Variants in GRM3 observed in about 807,000 individuals in gnomAD.
GRM3 encodes the protein glutamate metabotropic receptor 3, also known as metabotropic glutamate receptor 3.
In GRM3, 26 loss-of-function variants were observed where a neutral mutation model predicts 70.5. The ratio of observed to expected loss-of-function variants is 0.37; its 90% CI spans 0.27 to 0.51. GRM3 has a LOEUF of 0.51. GRM3 is among the 20% of genes least tolerant of loss of function. The pLI is 0.93. For missense variants in GRM3, 859 were observed against 1,123.8 expected (o/e 0.76, Z 3.37); for synonymous variants, 443 against 434.9 (o/e 1.02, Z -0.23).
At chr7:86,712,024 T>C (rs74439449) in intron 1 of GRM3, among the ~76,000 whole-genome samples, 1,793 of 152,204 alleles carry the variant, frequency 0.012, 28 homozygotes, top group African/African-American at 0.041. Flanking sequence ...TTTCTACTTT[T>C]GTATGCTCTT....
chr7:86,796,878 C>T (rs376207536), intron 3 of GRM3, among the ~76,000 whole-genome samples: 12 of 152,206 alleles, frequency 7.9e-5, no homozygotes, highest in South Asian at 4.2e-4. Flanking sequence ...GTCTTTTCCA[C>T]GCTGTTCTCA....
chr7:86,673,609 T>C (rs1794227928), intron 1 of GRM3, among the ~76,000 whole-genome samples: 1 of 152,192 alleles, frequency 6.6e-6, no homozygotes. Flanking sequence ...AAATGACATA[T>C]ATGTTTATTA....
chr7:86,692,391 C>T (rs951526728), intron 1 of GRM3, among the ~76,000 whole-genome samples: 1 of 152,172 alleles, frequency 6.6e-6, no homozygotes, highest in Non-Finnish European at 1.5e-5. Context: ...ATGATCCTAC[C>T]ACACTGATCT....
chr7:86,675,109 A>G (rs1794273711), intron 1 of GRM3, among the ~76,000 whole-genome samples: 1 of 152,122 alleles, frequency 6.6e-6, no homozygotes, highest in African/African-American at 2.4e-5. Context: ...ATAAATTAGT[A>G]TAGCACTAGT....
At chr7:86,819,029 C>T (rs1798068420) in intron 3 of GRM3, among the ~76,000 whole-genome samples, 1 of 152,114 alleles carries the variant, frequency 6.6e-6, no homozygotes, top group Non-Finnish European at 1.5e-5. Context: ...CCATCTCAGA[C>T]ATCTTTATTG....
At chr7:86,840,555 T>C (rs1211703295) in intron 4 of GRM3, among the ~76,000 whole-genome samples, 1 of 152,062 alleles carries the variant, frequency 6.6e-6, no homozygotes, top group East Asian at 1.9e-4. Flanking sequence ...AATATACAGT[T>C]CAAATTTATG....
intron 1 of GRM3, among the ~76,000 whole-genome samples, chr7:86,757,526 G>A (rs1165148329): frequency 1.3e-5 from 2 of 152,144 alleles, no homozygotes; most frequent in Non-Finnish European, 1.5e-5. Context: ...GGCTGGCTTG[G>A]AACTCTAATA....
intron 3 of GRM3, among the ~76,000 whole-genome samples, chr7:86,828,077 A>C (rs1003794580): frequency 7.0e-6 from 1 of 143,666 alleles, no homozygotes; most frequent in Non-Finnish European, 1.5e-5. Context: ...GTGCCACTGC[A>C]CTACAGCCTG....
intron 5 of GRM3, among the ~76,000 whole-genome samples, chr7:86,856,395 G>A (rs555689056): frequency 2.2e-4 from 33 of 148,330 alleles, no homozygotes; most frequent in African/African-American, 8.0e-4. Flanking sequence ...GCAGTGAGCC[G>A]AGATCATGCC....
Position 86,864,355 on chromosome 7 carries a change from A to G in GRM3, c.2640A>G (p.Ter880TrpextTer2). 6.2e-7 allele frequency: 1 copy of G among 1,607,426 alleles called. No homozygotes were observed. Among genetic ancestry groups the G allele is most frequent in the Non-Finnish European group, 8.5e-7 (1 of 1,174,018 alleles). ...EVLDSTTSSL* is the reference protein window; with the variant it reads ...EVLDSTTSSLW The stretch of plus-strand genomic sequence containing the variant: ...TCGACTCCACCACCTCATCTCTGTG[A>G]TTGTGAATTGCAGTTCAGTTCTTGT... Residue 880 changes from the stop codon to tryptophan, a stop_lost, in exon 6 of 6, where the codon TGA becomes TGG. Transcript: ENST00000361669.
At chr7:86,767,948 G>A (rs538045779) in intron 2 of GRM3, among the ~76,000 whole-genome samples, 13 of 152,182 alleles carry the variant, frequency 8.5e-5, no homozygotes, top group African/African-American at 2.9e-4. Flanking sequence ...CTCATTGAAA[G>A]ACCTATCTCA....
Position 86,765,337 on chromosome 7 carries a change from A to G in GRM3, c.192A>G (p.Arg64=). 2.5e-6 allele frequency: 4 copies of G among 1,613,926 alleles called. No homozygotes were observed. Among genetic ancestry groups the G allele is most frequent in the Non-Finnish European group, 3.4e-6 (4 of 1,179,872 alleles). Residue 64 remains arginine, a synonymous_variant, in exon 2 of 6, where the codon CGA becomes CGG. Transcript: ENST00000361669. ...TEECGRINED[R]GIQRLEAMLF... ...AATGTGGGCGAATCAATGAAGACCG[A>G]GGGATTCAACGCCTGGAAGCCATGT...
chr7:86,840,688 G>T (rs1798542227), intron 4 of GRM3, among the ~76,000 whole-genome samples: 1 of 152,018 alleles, frequency 6.6e-6, no homozygotes, highest in East Asian at 1.9e-4. Flanking sequence ...ATCTTACAAT[G>T]AGTGAGTATA....
intron 1 of GRM3, among the ~76,000 whole-genome samples, chr7:86,718,016 T>C (rs1795361823): frequency 8.0e-6 from 1 of 124,566 alleles, no homozygotes; most frequent in African/African-American, 2.6e-5. Flanking sequence ...TTAATTCTCA[T>C]GGGTTCCTAA....
intron 3 of GRM3, among the ~76,000 whole-genome samples, chr7:86,795,982 C>G (rs1396285671): frequency 6.6e-6 from 1 of 152,100 alleles, no homozygotes; most frequent in Non-Finnish European, 1.5e-5. Context: ...GTCAGATGAA[C>G]AGATTGCAAA....
At chr7:86,675,302 C>A (rs1794278392) in intron 1 of GRM3, among the ~76,000 whole-genome samples, 1 of 152,072 alleles carries the variant, frequency 6.6e-6, no homozygotes, top group South Asian at 2.1e-4. Context: ...GGACATCCCC[C>A]ATAGGAGGTC....
At chr7:86,861,696 G>GA (rs993156902) in intron 5 of GRM3, among the ~76,000 whole-genome samples, 6 of 151,206 alleles carry the variant, frequency 4.0e-5, no homozygotes, top group South Asian at 2.1e-4. Flanking sequence ...CAAAAAGAAG[G>GA]AAAAAAAAAT....
chr7:86,859,842 G>T (rs1406052996), intron 5 of GRM3, among the ~76,000 whole-genome samples: 1 of 152,126 alleles, frequency 6.6e-6, no homozygotes, highest in Admixed American at 6.5e-5. Flanking sequence ...ATGCATTACT[G>T]GTGGAAGAGA....
At chr7:86,741,874 G>T (rs1209542097) in intron 1 of GRM3, among the ~76,000 whole-genome samples, 1 of 152,122 alleles carries the variant, frequency 6.6e-6, no homozygotes, top group East Asian at 1.9e-4. Flanking sequence ...ATGGTTTTTA[G>T]CCTTAAAAAA....
Sources: allele counts gnomAD v4.1 joint callset (sites outside exome capture counted in the v4.1 genomes callset), GRCh38; gene constraint gnomAD v4.1.1; transcripts MANE v1.5; gene names NCBI Gene and HGNC (gene_info 2026-07-23, HGNC 2026-07-21).